The following SCAPER variants were observed in gnomAD, a reference collection of about 807,000 sequenced individuals.
SCAPER encodes S phase cyclin A-associated protein in the endoplasmic reticulum.
Under a neutral mutation model 182.2 loss-of-function variants are expected in SCAPER, and 98 were observed. The ratio of observed to expected loss-of-function variants is 0.54; its 90% CI spans 0.46 to 0.64. SCAPER has a LOEUF of 0.64. Among genes scored for constraint, SCAPER ranks in the 30% least tolerant of loss-of-function variants. The pLI is 0.00. For missense variants in SCAPER, 1,432 were observed against 1,690.0 expected, an observed-to-expected ratio of 0.85 and a Z score of 2.68; for synonymous variants, 605 against 564.6, an observed-to-expected ratio of 1.07 and a Z score of -1.01.
At position 76,705,902 on chromosome 15, in the gene SCAPER, C is replaced by A; in HGVS notation, c.2247+1G>T. On this transcript the variant is annotated splice_donor_variant, in intron 18 of 31. Coordinates refer to ENST00000563290, the MANE Select transcript of SCAPER (RefSeq NM_020843.4). LOFTEE classifies it high-confidence loss of function. ...AAATTAAAAATATATAATATCCTTA[C>A]CTTGAGCTGAATTTTTTTCTGTAAC... 6.5e-7 allele frequency: 1 copy of A among 1,544,486 alleles called. No homozygotes were observed. Among genetic ancestry groups the A allele is most frequent in the Non-Finnish European group, 8.7e-7 (1 of 1,146,750 alleles).
intron 29 of SCAPER, among the ~76,000 whole-genome samples, chr15:76,358,487 A>G (rs1291345202): frequency 1.3e-5 from 2 of 152,242 alleles, no homozygotes; most frequent in South Asian, 4.1e-4. Flanking sequence ...CAAGTCTGGT[A>G]TCAGGGAACC....
chr15:76,550,157 T>G (rs920869930), intron 23 of SCAPER, among the ~76,000 whole-genome samples: 2 of 152,118 alleles, frequency 1.3e-5, no homozygotes, highest in African/African-American at 4.8e-5. Flanking sequence ...ATTTAAAAAT[T>G]GACAAAAGAT....
At chr15:76,895,391 T>C (rs927794135) in intron 1 of SCAPER, among the ~76,000 whole-genome samples, 4 of 151,946 alleles carry the variant, frequency 2.6e-5, no homozygotes, top group Admixed American at 6.6e-5. Context: ...ATACAGATCA[T>C]AGATGACAAG....
intron 23 of SCAPER, among the ~76,000 whole-genome samples, chr15:76,511,885 AT>A (rs57258010): frequency 0.28 from 31,047 of 111,956 alleles, 4,605 homozygotes; most frequent in South Asian, 0.43. Flanking sequence ...ATATATATAT[AT>A]TTTTTTTTTT....
chr15:76,751,212 T>G (rs1248631554), intron 15 of SCAPER, among the ~76,000 whole-genome samples: 1 of 151,606 alleles, frequency 6.6e-6, no homozygotes, highest in Non-Finnish European at 1.5e-5. Context: ...TATAAAACAT[T>G]ATTGAAAAAT....
chr15:76,606,254 A>G (rs2050385650), intron 22 of SCAPER, among the ~76,000 whole-genome samples: 1 of 152,148 alleles, frequency 6.6e-6, no homozygotes, highest in African/African-American at 2.4e-5. Context: ...GAACATCTTT[A>G]TTTCTGCCTT....
At chr15:76,777,854 A>G (rs2063838650) in intron 8 of SCAPER, among the ~76,000 whole-genome samples, 1 of 152,194 alleles carries the variant, frequency 6.6e-6, no homozygotes, top group Admixed American at 6.5e-5. Context: ...TGAAATATCA[A>G]ATCAAAAATG....
At chr15:76,532,234 A>G (rs1006583627) in intron 23 of SCAPER, among the ~76,000 whole-genome samples, 3 of 152,104 alleles carry the variant, frequency 2.0e-5, no homozygotes, top group Non-Finnish European at 4.4e-5. Flanking sequence ...TTCTGTGGCA[A>G]TGCTCTCCCT....
chr15:76,899,436 T>C (rs560138894), intron 1 of SCAPER, among the ~76,000 whole-genome samples: 119 of 152,346 alleles, frequency 7.8e-4, no homozygotes, highest in Admixed American at 2.0e-3. Context: ...GGTGCTGGGA[T>C]TGCAGACGGA....
chr15:76,354,256 G>T lies in SCAPER; in HGVS notation c.3856-116C>A. 1 of 798,252 alleles carries T rather than the reference G, an allele frequency of 1.3e-6. No individual in the cohort carries two copies. Among genetic ancestry groups the T allele is most frequent in the South Asian group, 2.1e-5 (1 of 46,820 alleles). 49.4% of individuals were successfully genotyped at this position (798,252 alleles called of 1,614,324 possible). ...CATGCTGAAGGAGTGTAAAGAAAAA[G>T]ACTCCTGACTCCGTACCAGAGCTTA... is the stretch of plus-strand genomic sequence containing the variant. On this transcript the variant is annotated intron_variant, in intron 29 of 31. Transcript: ENST00000563290. This position sits in a 1 kb window ranked among gnomAD's most constrained non-coding sequence, Gnocchi z 4.4.
At chr15:76,616,629 G>A (rs1427481942) in intron 22 of SCAPER, among the ~76,000 whole-genome samples, 1 of 151,938 alleles carries the variant, frequency 6.6e-6, no homozygotes, top group Non-Finnish European at 1.5e-5. Flanking sequence ...TTTGCTATAT[G>A]TATTTCATCA....
intron 15 of SCAPER, among the ~76,000 whole-genome samples, chr15:76,737,371 T>C (rs1163767807): frequency 4.6e-5 from 7 of 152,264 alleles, no homozygotes; most frequent in Non-Finnish European, 7.3e-5. Context: ...CAGTAAAATT[T>C]TGAAGAGTCT....
chr15:76,896,232 T>C (rs1388759612), intron 1 of SCAPER, among the ~76,000 whole-genome samples: 1 of 151,566 alleles, frequency 6.6e-6, no homozygotes, highest in East Asian at 2.0e-4. Context: ...TGGCCAGGCA[T>C]GGTGGTGTGT....
At chr15:76,384,817 A>G (rs939367887) in intron 27 of SCAPER, among the ~76,000 whole-genome samples, 1 of 152,188 alleles carries the variant, frequency 6.6e-6, no homozygotes, top group Non-Finnish European at 1.5e-5. Flanking sequence ...TGAAGTACAG[A>G]TAATTTGTCC....
intron 24 of SCAPER, among the ~76,000 whole-genome samples, chr15:76,498,007 AAAAAAAAAAAAAAT>A (rs1382120095): frequency 1.5e-4 from 23 of 150,386 alleles, no homozygotes; most frequent in African/African-American, 5.6e-4. Context: ...AAAAAAAAAA[AAAAAAAAAAAAAAT>A]AAGCACATGA....
chr15:76,763,619 G>A (rs2062932479), intron 14 of SCAPER, among the ~76,000 whole-genome samples: 1 of 151,750 alleles, frequency 6.6e-6, no homozygotes, highest in Non-Finnish European at 1.5e-5. Flanking sequence ...CAATGACAGT[G>A]TCCCATAAAT....
intron 5 of SCAPER, among the ~76,000 whole-genome samples, chr15:76,837,428 G>A (rs767403948): frequency 6.6e-6 from 1 of 152,180 alleles, no homozygotes; most frequent in Non-Finnish European, 1.5e-5. Flanking sequence ...AAGTAAACAT[G>A]TCCTTCTTCC....
Position 76,471,100 on chromosome 15 carries a change from T to C in SCAPER, c.3078+112A>G, listed in dbSNP as rs1484546816. On this transcript the variant is annotated intron_variant, in intron 25 of 31. Transcript: ENST00000563290. ...TTCACTTTCTTCTTCTTCTTCTTCT[T>C]TTTTTTTTTTTTCATCTGGAGAGTA... 9.1e-6 allele frequency: 4 copies of C among 437,352 alleles called. No homozygotes were observed. In the East Asian group the frequency reaches 2.0e-4, roughly 21 times the overall value. 27.1% of individuals were successfully genotyped at this position (437,352 alleles called of 1,614,324 possible).
intron 4 of SCAPER, among the ~76,000 whole-genome samples, chr15:76,843,452 A>C (rs2069686326): frequency 6.6e-6 from 1 of 152,210 alleles, no homozygotes; most frequent in Non-Finnish European, 1.5e-5. Flanking sequence ...GAATGACAGA[A>C]CTGAAACTAG....
Sources: allele counts gnomAD v4.1 joint callset (sites outside exome capture counted in the v4.1 genomes callset), GRCh38; gene constraint gnomAD v4.1.1; non-coding constraint Gnocchi (gnomAD v3.1); transcripts MANE v1.5; gene names NCBI Gene and HGNC (gene_info 2026-07-23, HGNC 2026-07-21).